SLC1A7: variants seen among roughly 807,000 people sequenced by gnomAD.
SLC1A7 encodes excitatory amino acid transporter 5.
In SLC1A7, 40 loss-of-function variants were observed where a neutral mutation model predicts 47.7. The observed-to-expected ratio is 0.84, with a 90% CI of 0.65 to 1.09. The LOEUF is 1.09. Ranked by LOEUF, SLC1A7 falls within the 50% of genes least tolerant of loss-of-function variation. SLC1A7 has a pLI of 0.00. For missense variants in SLC1A7, 746 were observed against 769.5 expected (o/e 0.97, Z 0.36); for synonymous variants, 323 against 325.6 (o/e 0.99, Z 0.09).
At chr1:53,092,078 C>G (rs1249761562) in intron 7 of SLC1A7, among the ~76,000 whole-genome samples, 1 of 152,240 alleles carries the variant, frequency 6.6e-6, no homozygotes, top group Non-Finnish European at 1.5e-5. Context: ...TGCCCAGGCA[C>G]AGCGAGTGAG....
chr1:53,119,896 G>C (rs115840442), intron 2 of SLC1A7, among the ~76,000 whole-genome samples: 4,534 of 151,986 alleles, frequency 0.03, 194 homozygotes, highest in African/African-American at 0.094. Context: ...GGTGAGGGGA[G>C]AATAGGCAAC....
At chr1:53,138,657 C>A (rs1645025103) in intron 1 of SLC1A7, among the ~76,000 whole-genome samples, 1 of 151,874 alleles carries the variant, frequency 6.6e-6, no homozygotes, top group Non-Finnish European at 1.5e-5. Context: ...CATGAGCCAC[C>A]AGGCCTAGCC....
rs1644400134 is a variant in SLC1A7 at position 53,089,857 on chromosome 1, G to T, written c.1304C>A (p.Thr435Asn). Residue 435 changes from threonine to asparagine, a missense_variant, in exon 9 of 11, where the codon ACC (threonine) becomes AAC (asparagine). Thr to Asn is a moderately conservative substitution (Grantham distance 65). Transcript: ENST00000371494. Reference sequence around the variant, plus strand: ...GTCATCGGTGGGCAGTCCCACGGAGGTGAGCACGATGACCATGGTGACGAG... The same window carrying T: ...GTCATCGGTGGGCAGTCCCACGGAGTTGAGCACGATGACCATGGTGACGAG... Reference protein sequence around the residue: ...AGLVTMVIVLTSVGLPTDDIT... With the variant: ...AGLVTMVIVLNSVGLPTDDIT... 1 of 1,613,922 alleles carries T rather than the reference G, an allele frequency of 6.2e-7. No homozygotes were observed. The highest frequency in any genetic ancestry group is 8.5e-7 in the Non-Finnish European group (1 of 1,179,996).
intron 1 of SLC1A7, among the ~76,000 whole-genome samples, chr1:53,136,158 T>G (rs1272657616): frequency 6.8e-6 from 1 of 147,190 alleles, no homozygotes; most frequent in African/African-American, 2.5e-5. Flanking sequence ...TCTCTATATA[T>G]ATATATATAA....
chr1:53,109,329 C>G (rs1644677920), intron 3 of SLC1A7, among the ~76,000 whole-genome samples: 1 of 152,168 alleles, frequency 6.6e-6, no homozygotes, highest in Admixed American at 6.5e-5. Flanking sequence ...TACTTAATCT[C>G]TGTGGTGTTT....
Position 53,088,027 on chromosome 1 carries a change from C to T in SLC1A7, c.1665G>A (p.Glu555=). The change falls in exon 11 of 11, where the codon GAG becomes GAA. Residue 555 remains glutamate (E), a synonymous_variant. Transcript: ENST00000371494. ...CGCAGGCTCAGACATTGGTCTCCAG[C>T]TCACTGATCTGGATGGTGCAGTGGT... is the stretch of plus-strand genomic sequence containing the variant. The part of the protein sequence containing the change: ...SLNHCTIQIS[E]LETNV 1 of 1,518,538 alleles carries T rather than the reference C, an allele frequency of 6.6e-7. No homozygotes were observed. The highest frequency in any genetic ancestry group is 8.9e-7 in the Non-Finnish European group (1 of 1,125,666). 94.1% of individuals were successfully genotyped at this position (1,518,538 alleles called of 1,614,324 possible).
chr1:53,120,048 G>T (rs998796056), intron 2 of SLC1A7, among the ~76,000 whole-genome samples: 2 of 152,192 alleles, frequency 1.3e-5, no homozygotes, highest in Admixed American at 1.3e-4. Context: ...CCCAGGGATT[G>T]TGGATCAAGA....
intron 5 of SLC1A7, among the ~76,000 whole-genome samples, chr1:53,100,391 C>T (rs1250879719): frequency 9.9e-5 from 15 of 150,930 alleles, no homozygotes; most frequent in Non-Finnish European, 7.4e-5. Flanking sequence ...GGTACACTCA[C>T]ACACCCCGCC....
intron 3 of SLC1A7, 89 bp from the exon 4 acceptor site, chr1:53,105,863 C>G (rs1372673216): frequency 9.4e-7 from 1 of 1,061,310 alleles, no homozygotes; most frequent in Admixed American, 1.8e-5. Flanking sequence ...TGGACATCTC[C>G]TTTGGTGGTC....
intron 2 of SLC1A7, among the ~76,000 whole-genome samples, chr1:53,119,031 TTTAAA>T (rs1315472654): frequency 6.6e-6 from 1 of 150,840 alleles, no homozygotes; most frequent in African/African-American, 2.5e-5. Flanking sequence ...GGTTTTAAAT[TTTAAA>T]TTAAATTAAA....
chr1:53,118,279 G>A (rs575347726), intron 2 of SLC1A7: 3 of 152,382 alleles, frequency 2.0e-5, no homozygotes, highest in South Asian at 4.1e-4. Context: ...AGACCAGGTC[G>A]CGTGGACGGG....
At chr1:53,141,635 A>G (rs1321730178) in intron 1 of SLC1A7, among the ~76,000 whole-genome samples, 1 of 149,632 alleles carries the variant, frequency 6.7e-6, no homozygotes, top group Non-Finnish European at 1.5e-5. Flanking sequence ...CCCACATCCA[A>G]TCGGCCCCCA....
At chr1:53,093,880 G>A (rs1254696774) in intron 5 of SLC1A7, among the ~76,000 whole-genome samples, 5 of 152,274 alleles carry the variant, frequency 3.3e-5, no homozygotes, top group African/African-American at 1.2e-4. Flanking sequence ...CGATGCCTCA[G>A]CCCCACTCGA....
Position 53,124,243 on chromosome 1 carries a change from A to G in SLC1A7, c.216-9270T>C, listed in dbSNP as rs1000328717. On this transcript the variant is annotated intron_variant, in intron 2 of 10. Transcript: ENST00000371494. ...CAAGAAATAGGAAGGAAAACAATAC[A>G]TACACAACACACACACACACACACA... 8.0e-3 allele frequency among the ~76,000 whole-genome samples: 10 copies of G among 1,256 alleles called. No individual in the cohort carries two copies. In the Non-Finnish European group the frequency reaches 0.16, roughly 19 times the overall value. 0.8% of individuals were successfully genotyped at this position (1,256 alleles called of 152,430 possible).
At chr1:53,096,223 A>T (rs1457527720) in intron 5 of SLC1A7, among the ~76,000 whole-genome samples, 1 of 148,136 alleles carries the variant, frequency 6.8e-6, no homozygotes, top group African/African-American at 2.5e-5. Context: ...GCCTCGATAC[A>T]CTCACACACC....
chr1:53,104,907 G>A (rs762422341), intron 4 of SLC1A7, among the ~76,000 whole-genome samples: 17 of 152,232 alleles, frequency 1.1e-4, no homozygotes, highest in South Asian at 2.1e-4. Context: ...CAATTTCGAC[G>A]AAGGAAAAAC....
intron 5 of SLC1A7, among the ~76,000 whole-genome samples, chr1:53,094,562 C>T (rs955434607): frequency 6.6e-6 from 1 of 152,228 alleles, no homozygotes; most frequent in Non-Finnish European, 1.5e-5. Context: ...TCCTGAGAAG[C>T]CTGAGCCACA....
At chr1:53,103,629 G>T in intron 4 of SLC1A7, 61 bp from the exon 5 acceptor site, 1 of 984,296 alleles carries the variant, frequency 1.0e-6, no homozygotes, top group South Asian at 1.7e-5. Flanking sequence ...TAATATTAAC[G>T]ACAACAATAA....
chr1:53,093,929 C>T (rs1023456857), intron 5 of SLC1A7, among the ~76,000 whole-genome samples: 1 of 152,178 alleles, frequency 6.6e-6, no homozygotes. Context: ...TCCTGCCCAT[C>T]TCACTGTGCC....
Sources: allele counts gnomAD v4.1 joint callset (sites outside exome capture counted in the v4.1 genomes callset), GRCh38; gene constraint gnomAD v4.1.1; transcripts MANE v1.5; gene names NCBI Gene and HGNC (gene_info 2026-07-23, HGNC 2026-07-21).